ADAM9: variants seen among roughly 807,000 people sequenced by gnomAD.
ADAM9 encodes disintegrin and metalloproteinase domain-containing protein 9.
Under a neutral mutation model 108.1 loss-of-function variants are expected in ADAM9, and 54 were observed. The ratio of observed to expected loss-of-function variants is 0.50; its 90% CI spans 0.40 to 0.63. The LOEUF is 0.63. ADAM9 is among the 20% of genes least tolerant of loss of function. The pLI, the probability that ADAM9 is intolerant of heterozygous loss-of-function variation, is 0.00. For synonymous variants in ADAM9, 316 were observed against 336.0 expected (o/e 0.94, Z 0.65); for missense variants, 830 against 997.7 (o/e 0.83, Z 2.26).
At chr8:39,029,856 T>C (rs1051929192) in intron 11 of ADAM9, among the ~76,000 whole-genome samples, 4 of 152,192 alleles carry the variant, frequency 2.6e-5, no homozygotes, top group African/African-American at 2.4e-5. Flanking sequence ...GGTTGTCCCT[T>C]GTCTGACTTT....
chr8:39,017,889 A>G (rs1163717559), intron 6 of ADAM9, among the ~76,000 whole-genome samples: 1 of 152,248 alleles, frequency 6.6e-6, no homozygotes, highest in Non-Finnish European at 1.5e-5. Context: ...CACTGCACCC[A>G]GTGCAATAGA....
At chr8:39,030,770 G>A (rs568365437) in intron 11 of ADAM9, among the ~76,000 whole-genome samples, 2 of 152,340 alleles carry the variant, frequency 1.3e-5, no homozygotes, top group South Asian at 4.1e-4. Context: ...GGTGTTGTCA[G>A]TGTTCTGGAT....
intron 14 of ADAM9, among the ~76,000 whole-genome samples, chr8:39,057,309 T>TG (rs1176853688): frequency 6.7e-6 from 1 of 150,350 alleles, no homozygotes; most frequent in Non-Finnish European, 1.5e-5. Context: ...ATATATAATC[T>TG]GGAGGAATTA....
chr8:39,094,923 C>T (rs980153607), intron 20 of ADAM9, among the ~76,000 whole-genome samples: 7 of 151,898 alleles, frequency 4.6e-5, no homozygotes, highest in South Asian at 4.1e-4. Context: ...CTCTGAACTT[C>T]ACTATTCCCT....
At position 39,023,009 on chromosome 8, in the gene ADAM9, C is replaced by T. The variant is rs112856837; in HGVS notation, c.745-147C>T. 375 of 719,390 alleles carry T rather than the reference C, an allele frequency of 5.2e-4. 2 individuals carry two copies. The African/African-American group carries it at 5.5e-3, about 11-fold the overall frequency. The allele number at this position is 719,390 out of a possible 1,614,324, so 44.6% of individuals were successfully genotyped here. ...ATTACAGGCGTGAGCCACTGCGCCC[C>T]GCCCAAAGTCTCATTGTATTAAAGG... is the stretch of plus-strand genomic sequence containing the variant. On this transcript the variant is annotated intron_variant, in intron 8 of 21. Transcript: ENST00000487273.
At chr8:39,071,922 A>G (rs1222241670) in intron 15 of ADAM9, among the ~76,000 whole-genome samples, 2 of 152,078 alleles carry the variant, frequency 1.3e-5, no homozygotes, top group Admixed American at 6.5e-5. Context: ...ATCAACTACA[A>G]TCTAGTGGTT....
At chr8:39,017,864 A>T (rs1360481783) in intron 6 of ADAM9, among the ~76,000 whole-genome samples, 16 of 152,242 alleles carry the variant, frequency 1.1e-4, no homozygotes, top group Admixed American at 1.0e-3. Flanking sequence ...AAGTGCTGGG[A>T]TTATAGGCAT....
chr8:39,073,430 A>G (rs1382011153), intron 15 of ADAM9, among the ~76,000 whole-genome samples: 1 of 152,120 alleles, frequency 6.6e-6, no homozygotes, highest in Non-Finnish European at 1.5e-5. Context: ...AATTCTTTTC[A>G]TTTCTGGAAT....
rs543564644 is a variant in ADAM9, at chr8:39,051,776, T to C, written c.1303-2705T>C. Among the ~76,000 whole-genome samples the C allele has an allele frequency of 1.9e-4, 29 of 152,332 alleles. No homozygotes were observed. In the South Asian group the frequency reaches 6.0e-3, roughly 32 times the overall value. On this transcript the variant is annotated intron_variant, in intron 12 of 21. Transcript: ENST00000487273. ...CATTTTTCTGTATCATTTTATTATG[T>C]AGACATAGCCCTTTAATTTGCTGAA...
chr8:39,099,594 A>G (rs1839618993), intron 20 of ADAM9, among the ~76,000 whole-genome samples: 1 of 152,182 alleles, frequency 6.6e-6, no homozygotes, highest in South Asian at 2.1e-4. Context: ...GGCACCAAGC[A>G]TCCTTGTAAA....
At chr8:39,028,668 G>A (rs1048874803) in intron 11 of ADAM9, among the ~76,000 whole-genome samples, 1 of 152,184 alleles carries the variant, frequency 6.6e-6, no homozygotes, top group Non-Finnish European at 1.5e-5. Flanking sequence ...ATTGAGCACT[G>A]ACCACCTGCC....
rs62504421 is a variant in ADAM9 at position 39,047,429 on chromosome 8, G to T, written c.1302+5312G>T. On this transcript the variant is annotated intron_variant, in intron 12 of 21. Transcript: ENST00000487273. Reference sequence around the variant, plus strand: ...TTTCACCAGTAAAGCCATTGGTCCTGTGCTTTTCTTTGCTAGGAGGTTTTT... The same window carrying T: ...TTTCACCAGTAAAGCCATTGGTCCTTTGCTTTTCTTTGCTAGGAGGTTTTT... Among the ~76,000 whole-genome samples, 410 of 152,138 alleles carry T rather than the reference G, an allele frequency of 2.7e-3. 1 individual carries two copies. Among genetic ancestry groups the T allele is most frequent in the Middle Eastern group, 0.017 (5 of 294 alleles).
intron 14 of ADAM9, among the ~76,000 whole-genome samples, chr8:39,056,497 TAAC>T (rs1838127806): frequency 6.6e-6 from 1 of 152,172 alleles, no homozygotes; most frequent in Non-Finnish European, 1.5e-5. Context: ...CTTCAACCCT[TAAC>T]AACTCCCATC....
At chr8:39,001,700 C>T (rs1190327928) in intron 1 of ADAM9, among the ~76,000 whole-genome samples, 1 of 150,798 alleles carries the variant, frequency 6.6e-6, no homozygotes, top group Non-Finnish European at 1.5e-5. Context: ...TGGAGTCTCA[C>T]ACTGTTGCCC....
chr8:39,068,171 A>C (rs1251360813), intron 14 of ADAM9, among the ~76,000 whole-genome samples: 1 of 152,116 alleles, frequency 6.6e-6, no homozygotes, highest in Non-Finnish European at 1.5e-5. Flanking sequence ...GCTCTCCCAT[A>C]GTCCCTGGTC....
At chr8:39,029,983 G>A (rs1314847843) in intron 11 of ADAM9, among the ~76,000 whole-genome samples, 4 of 152,076 alleles carry the variant, frequency 2.6e-5, no homozygotes, top group African/African-American at 9.7e-5. Context: ...ATAATCAAGA[G>A]GAAAGTAGAA....
Position 39,105,030 on chromosome 8 carries a change from A to C in ADAM9, c.*1330A>C. The C allele has an allele frequency of 2.4e-6, 1 of 418,818 alleles. No individual in the cohort carries two copies. Among genetic ancestry groups the C allele is most frequent in the South Asian group, 1.8e-5 (1 of 55,914 alleles). The allele number at this position is 418,818 out of a possible 1,614,324, so 25.9% of individuals were successfully genotyped here. On this transcript the variant is annotated 3_prime_UTR_variant, in exon 22 of 22. Coordinates refer to ENST00000487273, the MANE Select transcript of ADAM9 (RefSeq NM_003816.3). ...TGTGTCTCCTAGTAGCTTCCTACTCAACTATTTATAATCTCATTAATTAAA... is the reference window on the plus strand; with the variant it reads ...TGTGTCTCCTAGTAGCTTCCTACTCCACTATTTATAATCTCATTAATTAAA...
chr8:39,067,195 A>T (rs969791261), intron 14 of ADAM9, among the ~76,000 whole-genome samples: 2 of 152,200 alleles, frequency 1.3e-5, no homozygotes, highest in African/African-American at 4.8e-5. Flanking sequence ...TGATGCCTCC[A>T]GCTTTGTTCT....
chr8:39,094,236 G>A (rs901522694), intron 20 of ADAM9, among the ~76,000 whole-genome samples: 1 of 152,106 alleles, frequency 6.6e-6, no homozygotes, highest in African/African-American at 2.4e-5. Flanking sequence ...TTATTGATTT[G>A]AATATGTTAA....
Sources: allele counts gnomAD v4.1 joint callset (sites outside exome capture counted in the v4.1 genomes callset), GRCh38; gene constraint gnomAD v4.1.1; transcripts MANE v1.5; gene names NCBI Gene and HGNC (gene_info 2026-07-23, HGNC 2026-07-21).